TGFBR3: variants seen among roughly 807,000 people sequenced by gnomAD.
TGFBR3 encodes transforming growth factor beta receptor type 3.
In TGFBR3, 46 loss-of-function variants were observed where a neutral mutation model predicts 87.9. The ratio of observed to expected loss-of-function variants is 0.52; its 90% CI spans 0.41 to 0.67. The LOEUF is 0.67. TGFBR3 is among the 30% of genes least tolerant of loss of function. The probability of loss-of-function intolerance (pLI) is 0.00; values close to 1 mark genes in which losing one functional copy is unlikely to be tolerated. For missense variants in TGFBR3, 866 were observed against 1,041.9 expected (o/e 0.83, Z 2.32); for synonymous variants, 381 against 391.6 (o/e 0.97, Z 0.32).
intron 7 of TGFBR3, among the ~76,000 whole-genome samples, chr1:91,726,850 T>A (rs1278916301): frequency 6.7e-6 from 1 of 149,684 alleles, no homozygotes; most frequent in African/African-American, 2.5e-5. Context: ...AAAGAGATAA[T>A]TATCTTCTTA....
intron 2 of TGFBR3, among the ~76,000 whole-genome samples, chr1:91,828,178 C>G (rs1369155869): frequency 1.3e-5 from 2 of 152,168 alleles, no homozygotes; most frequent in African/African-American, 2.4e-5. Flanking sequence ...TAGAATAAAC[C>G]TGAAAGGGTT....
chr1:91,703,822 T>G (rs1251636897), intron 14 of TGFBR3, among the ~76,000 whole-genome samples: 1 of 152,226 alleles, frequency 6.6e-6, no homozygotes, highest in Admixed American at 6.5e-5. Context: ...ATGCATAAAC[T>G]ATTTATGTTC....
intron 1 of TGFBR3, among the ~76,000 whole-genome samples, chr1:91,879,955 A>C (rs781713401): frequency 6.6e-6 from 1 of 152,196 alleles, no homozygotes; most frequent in Middle Eastern, 3.2e-3. Flanking sequence ...TAGACACTGA[A>C]CAAATTAGCA....
At chr1:91,750,452 A>G (rs1673498412) in intron 4 of TGFBR3, among the ~76,000 whole-genome samples, 2 of 152,168 alleles carry the variant, frequency 1.3e-5, no homozygotes, top group African/African-American at 4.8e-5. Context: ...ACTTGTTTGA[A>G]CTAGGGTAGT....
At chr1:91,835,173 A>G (rs1430331895) in intron 2 of TGFBR3, among the ~76,000 whole-genome samples, 1 of 152,106 alleles carries the variant, frequency 6.6e-6, no homozygotes, top group Non-Finnish European at 1.5e-5. Context: ...TCTAACCACA[A>G]ATCTGAGCCT....
In TGFBR3 at chr1:91,682,009, C is replaced by A. The variant is rs1670925375; in HGVS notation, c.*1730G>T. On this transcript the variant is annotated 3_prime_UTR_variant, in exon 17 of 17. Transcript: ENST00000212355. ...AATGTAGATAGCCTGGAAATCTCAG[C>A]CCTAAAGTAATGTTTTAGTTAAAAT... is the stretch of plus-strand genomic sequence containing the variant. The A allele has an allele frequency of 2.2e-6, 1 of 453,550 alleles. No homozygotes were observed. The allele number at this position is 453,550 out of a possible 1,614,324, so 28.1% of individuals were successfully genotyped here.
chr1:91,852,092 T>C (rs940789143), intron 2 of TGFBR3, among the ~76,000 whole-genome samples: 1 of 152,038 alleles, frequency 6.6e-6, no homozygotes, highest in African/African-American at 2.4e-5. Flanking sequence ...CTACAAAAAA[T>C]ACAAAACTTA....
chr1:91,818,023 TC>T (rs1676296644), intron 2 of TGFBR3, among the ~76,000 whole-genome samples: 4 of 152,100 alleles, frequency 2.6e-5, no homozygotes, highest in East Asian at 1.9e-4. Flanking sequence ...TTTTTATTTT[TC>T]CCCCACTCCT....
chr1:91,694,591 A>T (rs1207875791), intron 16 of TGFBR3, among the ~76,000 whole-genome samples: 1 of 152,256 alleles, frequency 6.6e-6, no homozygotes, highest in Non-Finnish European at 1.5e-5. Context: ...TCAAGAGGGT[A>T]AAGATATGAC....
chr1:91,883,454 A>G (rs1205334497), intron 1 of TGFBR3, among the ~76,000 whole-genome samples: 3 of 152,198 alleles, frequency 2.0e-5, no homozygotes, highest in Non-Finnish European at 4.4e-5. Flanking sequence ...CTAGTCCTCC[A>G]TTATAAACTC....
intron 2 of TGFBR3, among the ~76,000 whole-genome samples, chr1:91,799,046 C>T (rs765293534): frequency 7.9e-5 from 12 of 152,198 alleles, no homozygotes; most frequent in South Asian, 2.1e-4. Flanking sequence ...CCCACTACAC[C>T]ACAACCTCCC....
chr1:91,688,585 G>A (rs1399961552), intron 16 of TGFBR3, among the ~76,000 whole-genome samples: 1 of 152,174 alleles, frequency 6.6e-6, no homozygotes, highest in Non-Finnish European at 1.5e-5. Context: ...AGGCTGCTCT[G>A]ATGTGTAAGC....
intron 6 of TGFBR3, among the ~76,000 whole-genome samples, chr1:91,729,293 C>T (rs893995496): frequency 1.1e-5 from 1 of 95,170 alleles, no homozygotes; most frequent in Non-Finnish European, 2.7e-5. Context: ...CATACACACA[C>T]ACACACACAC....
chr1:91,732,468 A>T (rs1283248707), intron 5 of TGFBR3, among the ~76,000 whole-genome samples: 1 of 152,094 alleles, frequency 6.6e-6, no homozygotes, highest in Non-Finnish European at 1.5e-5. Context: ...TGGGGCAAAA[A>T]CCACACTCTG....
intron 2 of TGFBR3, among the ~76,000 whole-genome samples, chr1:91,897,601 C>G (rs1010815944): frequency 6.6e-6 from 1 of 152,170 alleles, no homozygotes; most frequent in Non-Finnish European, 1.5e-5. Context: ...TACTTTTACT[C>G]TTCTGTTATT....
intron 16 of TGFBR3, among the ~76,000 whole-genome samples, chr1:91,687,261 G>C (rs373432290): frequency 2.2e-4 from 33 of 152,276 alleles, no homozygotes; most frequent in African/African-American, 7.0e-4. Context: ...AGAGACTGCA[G>C]TGAGCTATGA....
intron 3 of TGFBR3, among the ~76,000 whole-genome samples, chr1:91,781,271 T>C (rs987675890): frequency 6.6e-6 from 1 of 152,198 alleles, no homozygotes; most frequent in Non-Finnish European, 1.5e-5. Flanking sequence ...ATTTGTTTCA[T>C]CTGTTCATGC....
At chr1:91,859,525 A>C (rs1038012622) in intron 2 of TGFBR3, among the ~76,000 whole-genome samples, 2 of 152,144 alleles carry the variant, frequency 1.3e-5, no homozygotes, top group African/African-American at 4.8e-5. Context: ...TTCAATAATG[A>C]GACAAAATGA....
At chr1:91,822,840 T>G (rs1208069108) in intron 2 of TGFBR3, among the ~76,000 whole-genome samples, 1 of 152,072 alleles carries the variant, frequency 6.6e-6, no homozygotes, top group Admixed American at 6.6e-5. Flanking sequence ...GTGGGAGGAC[T>G]GCTTGAGCCC....
Sources: allele counts gnomAD v4.1 joint callset (sites outside exome capture counted in the v4.1 genomes callset), GRCh38; gene constraint gnomAD v4.1.1; transcripts MANE v1.5; gene names NCBI Gene and HGNC (gene_info 2026-07-23, HGNC 2026-07-21).